Variants in ZNF487 observed in about 807,000 individuals in gnomAD.
ZNF487 encodes the protein zinc finger protein 487, also known as KRAB domain only 1.
Under a neutral mutation model 3.0 loss-of-function variants are expected in ZNF487, and 4 were observed. That is an observed-to-expected ratio of 1.35 (90% confidence interval 0.66 to 3.08). ZNF487 has a LOEUF of 3.08. Ranked by LOEUF, ZNF487 falls within the 30% of genes most tolerant of loss-of-function variation. ZNF487 has a pLI of 0.01. For synonymous variants in ZNF487, 55 were observed against 34.6 expected, an observed-to-expected ratio of 1.59 and a Z score of -2.06; for missense variants, 146 against 98.7, an observed-to-expected ratio of 1.48 and a Z score of -2.03.
intron 1 of ZNF487, among the ~76,000 whole-genome samples, chr10:43,462,803 G>A (rs954574460): frequency 2.3e-5 from 3 of 132,724 alleles, no homozygotes; most frequent in Non-Finnish European, 3.2e-5. Flanking sequence ...GGGGTCTCAT[G>A]TTGTCACCCA....
chr10:43,503,029 A>G, the ZNF487 span, among the ~76,000 whole-genome samples: 3 of 7,584 alleles, frequency 4.0e-4, no homozygotes, highest in African/African-American at 1.2e-3. Context: ...CCCTGTCTCA[A>G]AAAAAAAAAA....
At chr10:43,451,685 C>T (rs1840016607) in intron 1 of ZNF487, among the ~76,000 whole-genome samples, 1 of 151,708 alleles carries the variant, frequency 6.6e-6, no homozygotes, top group Non-Finnish European at 1.5e-5. Flanking sequence ...CCTGCCTCAG[C>T]CTCCTGAGTA....
the ZNF487 span, among the ~76,000 whole-genome samples, chr10:43,512,838 C>A: frequency 6.8e-6 from 1 of 147,308 alleles, no homozygotes; most frequent in African/African-American, 2.5e-5. Context: ...GCTTTGCCTC[C>A]AAAATCCAAA....
intron 1 of ZNF487, among the ~76,000 whole-genome samples, chr10:43,450,986 T>C (rs886217152): frequency 1.3e-5 from 2 of 152,148 alleles, no homozygotes; most frequent in Non-Finnish European, 2.9e-5. Context: ...TCGCTCTTGT[T>C]GCCCAGGCTG....
chr10:43,498,093 ATATATATTTTTTTTTTTTTTCTT>A, the ZNF487 span, among the ~76,000 whole-genome samples: 14 of 13,262 alleles, frequency 1.1e-3, no homozygotes, highest in African/African-American at 1.7e-3. Context: ...ATATATATAT[ATATATATTTTTTTTTTTTTTCTT>A]TTTTTTTTTT....
intron 1 of ZNF487, among the ~76,000 whole-genome samples, chr10:43,448,837 A>AC (rs1805655679): frequency 6.6e-6 from 1 of 151,748 alleles, no homozygotes; most frequent in African/African-American, 2.4e-5. Context: ...ATATATAAAA[A>AC]TAAAAAAAAT....
intron 1 of ZNF487, among the ~76,000 whole-genome samples, chr10:43,460,606 A>C (rs1840396149): frequency 7.1e-6 from 1 of 140,444 alleles, no homozygotes; most frequent in Admixed American, 6.9e-5. Context: ...TGAACTCCTG[A>C]CCTCAGATGC....
chr10:43,446,633 A>T (rs935729241), intron 1 of ZNF487, among the ~76,000 whole-genome samples: 2 of 142,326 alleles, frequency 1.4e-5, no homozygotes, highest in African/African-American at 5.3e-5. Context: ...ATCCTAGACG[A>T]TGGGCGCCCG....
intron 1 of ZNF487, among the ~76,000 whole-genome samples, chr10:43,471,533 T>C (rs895424953): frequency 2.0e-5 from 3 of 152,130 alleles, no homozygotes; most frequent in Non-Finnish European, 1.5e-5. Context: ...TCCTGAGCTT[T>C]TGTCTGGTGT....
chr10:43,497,893 G>A, the ZNF487 span, among the ~76,000 whole-genome samples: 1 of 149,928 alleles, frequency 6.7e-6, no homozygotes, highest in Non-Finnish European at 1.5e-5. Context: ...CGTGAACCCG[G>A]GAGGCAGAGC....
At position 43,442,856 on chromosome 10, in the gene ZNF487, A is replaced by G. The variant is rs1427230421; in HGVS notation, c.-94+5594A>G. ...CTAAGTGTGCTTGCTTCGACAGCAC[A>G]TATACTAAAATTGGAATGATACAGA... On this transcript the variant is annotated intron_variant, in intron 1 of 3. Transcript: ENST00000437590. Among the ~76,000 whole-genome samples the G allele has an allele frequency of 2.0e-5, 3 of 152,320 alleles. No individual in the cohort carries two copies. The East Asian group carries it at 5.8e-4, about 29-fold the overall frequency.
intron 3 of ZNF487, among the ~76,000 whole-genome samples, chr10:43,479,268 T>C (rs1300076798): frequency 6.6e-6 from 1 of 152,044 alleles, no homozygotes; most frequent in African/African-American, 2.4e-5. Context: ...TGGCCTACTT[T>C]TATTTTTTAA....
rs1218905552 is a variant in ZNF487, at chr10:43,481,855, G to C, written c.557G>C (p.Gly186Ala). 7.1e-6 allele frequency: 5 copies of C among 702,154 alleles called. No individual in the cohort carries two copies. The highest frequency in any genetic ancestry group is 1.3e-5 in the Non-Finnish European group (5 of 384,830). The allele number at this position is 702,154 out of a possible 1,614,324, so 43.5% of individuals were successfully genotyped here. A position where few individuals can be genotyped will look rare whatever the true frequency, so the allele number is the denominator to read the frequency against. Residue 186 changes from glycine to alanine, a missense_variant, in exon 4 of 4, where the codon GGG (glycine) becomes GCG (alanine). By Grantham distance (60) the Gly-to-Ala change is moderately conservative (BLOSUM62 0). Transcript: ENST00000437590. ...CAGTGTTTTGAATACAATCAGTGTG[G>C]GAAGGCTTTTCATGAAGAGGCAGCC... is the stretch of plus-strand genomic sequence containing the variant. ...LKQCFEYNQC[G>A]KAFHEEAACS...
chr10:43,496,436 G>T, the ZNF487 span, among the ~76,000 whole-genome samples: 11 of 152,068 alleles, frequency 7.2e-5, no homozygotes, highest in Non-Finnish European at 1.6e-4. Flanking sequence ...CATTCACAGG[G>T]TATTGCATTA....
chr10:43,468,833 C>CA (rs1041913756), intron 1 of ZNF487, among the ~76,000 whole-genome samples: 1 of 150,592 alleles, frequency 6.6e-6, no homozygotes, highest in African/African-American at 2.4e-5. Flanking sequence ...ACTAAAAATA[C>CA]AAAAAATTAG....
the ZNF487 span, among the ~76,000 whole-genome samples, chr10:43,510,240 C>T: frequency 6.6e-6 from 1 of 152,130 alleles, no homozygotes; most frequent in Non-Finnish European, 1.5e-5. Flanking sequence ...TTGATGACTA[C>T]CTTCATCTAT....
chr10:43,475,095 G>A lies in ZNF487; in HGVS notation c.-93-626G>A, dbSNP rs532848386. Among the ~76,000 whole-genome samples the A allele has an allele frequency of 7.9e-5, 12 of 152,198 alleles. No individual in the cohort carries two copies. The South Asian group carries it at 2.5e-3, about 32-fold the overall frequency. On this transcript the variant is annotated intron_variant, in intron 1 of 3. Coordinates refer to ENST00000437590, the MANE Select transcript of ZNF487 (RefSeq NM_001355444.3). ...CAGGCATGTGCAGACAAGACCCTGG[G>A]CAGATTCCCTTATCTGCAGAAAAGC...
chr10:43,463,672 G>A (rs1200592427), intron 1 of ZNF487, among the ~76,000 whole-genome samples: 2 of 149,842 alleles, frequency 1.3e-5, no homozygotes, highest in Admixed American at 6.7e-5. Context: ...CTGTAGGCAC[G>A]AGCCACCTCA....
chr10:43,445,794 G>A (rs1441449858), intron 1 of ZNF487, among the ~76,000 whole-genome samples: 2 of 152,160 alleles, frequency 1.3e-5, no homozygotes, highest in East Asian at 1.9e-4. Flanking sequence ...GTGAACAAAG[G>A]TCTCTGGTTT....
Sources: gnomAD v4.1 joint callset for allele counts (sites outside exome capture counted in the v4.1 genomes callset) on GRCh38, gnomAD v4.1.1 for gene constraint, MANE v1.5 for transcripts, NCBI Gene and HGNC (gene_info 2026-07-23, HGNC 2026-07-21) for gene names.